The following VPS13C variants were observed in gnomAD, a reference collection of about 807,000 sequenced individuals.
VPS13C encodes the protein intermembrane lipid transfer protein VPS13C.
In VPS13C, 358 loss-of-function variants were observed where a neutral mutation model predicts 456.8. The observed-to-expected ratio is 0.78, with a 90% CI of 0.72 to 0.86. The LOEUF is 0.86. Among genes scored for constraint, VPS13C ranks in the 40% least tolerant of loss-of-function variants. The pLI, the probability that VPS13C is intolerant of heterozygous loss-of-function variation, is 0.00. For missense variants in VPS13C, 4,818 were observed against 4,385.4 expected (o/e 1.10, Z -2.79); for synonymous variants, 1,578 against 1,486.7 (o/e 1.06, Z -1.41).
In VPS13C at chr15:62,044,268, A is replaced by G. The variant is rs1596527573; in HGVS notation, c.101-13T>C. 7.0e-7 allele frequency: 1 copy of G among 1,429,974 alleles called. No homozygotes were observed. The highest frequency in any genetic ancestry group is 9.6e-7 in the Non-Finnish European group (1 of 1,037,534). The allele number at this position is 1,429,974 out of a possible 1,614,324, so 88.6% of individuals were successfully genotyped here. On this transcript the variant is annotated splice_polypyrimidine_tract_variant and intron_variant, in intron 1 of 84. Coordinates refer to ENST00000644861, the MANE Select transcript of VPS13C (RefSeq NM_020821.3). ...AAAGCCACATTTCCTTTAAAAAAAG[A>G]AAACAAAGAAAAATATTACTATAAC...
chr15:61,919,568 C>T lies in VPS13C; in HGVS notation c.7478-119G>A, dbSNP rs2043583255. 4.7e-6 allele frequency: 5 copies of T among 1,056,096 alleles called. No homozygotes were observed. In the South Asian group the frequency reaches 1.4e-4, roughly 30 times the overall value. 65.4% of individuals were successfully genotyped at this position (1,056,096 alleles called of 1,614,324 possible). ...TTTTCCTCATCACTAGAAATGATCA[C>T]CACAAATTGCTTTTCTAAGACATAA... On this transcript the variant is annotated intron_variant, in intron 57 of 84. Coordinates refer to ENST00000644861, the MANE Select transcript of VPS13C (RefSeq NM_020821.3).
rs746442464 is a variant in VPS13C at position 61,974,400 on chromosome 15, C to T, written c.2426G>A (p.Gly809Glu). 1.9e-6 allele frequency: 3 copies of T among 1,612,084 alleles called. No individual in the cohort carries two copies. Among genetic ancestry groups the T allele is most frequent in the Non-Finnish European group, 2.5e-6 (3 of 1,178,748 alleles). The change falls in exon 25 of 85, where the codon GGA (glycine) becomes GAA (glutamate). Residue 809 changes from glycine to glutamate, a missense_variant. By Grantham distance (98) the Gly-to-Glu change is moderately conservative. Around this residue, in one of 3 missense-constraint regions of VPS13C, gnomAD observed 4,552 missense variants for 4,130.6 expected, o/e 1.10. Coordinates refer to ENST00000644861, the MANE Select transcript of VPS13C (RefSeq NM_020821.3). ...AATTCTCACATGCATCAAAGGAAGT[C>T]CTCCTGACACTTTAAATCTAAAAAT... ...IRMARFKVSG[G>E]LPLMHVRISD...
At position 61,961,723 on chromosome 15, in the gene VPS13C, G is replaced by A; in HGVS notation, c.3774C>T (p.Ser1258=). The stretch of plus-strand genomic sequence containing the variant: ...CAAGATCTACCACTACTGCATTGGT[G>A]GAAATAGAAGACTGTGGGATGACTA... The part of the protein sequence containing the change: ...PVIVIPQSSI[S]TNAVVVDLGL... Residue 1258 remains serine, a synonymous_variant, in exon 35 of 85, where the codon TCC becomes TCT. Coordinates refer to ENST00000644861, the MANE Select transcript of VPS13C (RefSeq NM_020821.3). The A allele has an allele frequency of 6.2e-7, 1 of 1,613,976 alleles. No homozygotes were observed.
intron 66 of VPS13C, among the ~76,000 whole-genome samples, chr15:61,902,317 C>G (rs1370963593): frequency 1.4e-5 from 2 of 137,972 alleles, no homozygotes; most frequent in African/African-American, 5.3e-5. Flanking sequence ...AAAAAATGAA[C>G]TAATAACCAT....
intron 35 of VPS13C, 118 bp from the exon 36 acceptor site, chr15:61,959,713 G>T: frequency 2.1e-6 from 2 of 974,294 alleles, no homozygotes; most frequent in Non-Finnish European, 2.9e-6. Context: ...AAACAGTGTG[G>T]CTTGAGTATT....
chr15:62,023,456 AT>A lies in VPS13C; in HGVS notation c.578del (p.Asn193MetfsTer4). 3 of 1,580,534 alleles carry A rather than the reference AT, an allele frequency of 1.9e-6. No individual in the cohort carries two copies. The highest frequency in any genetic ancestry group is 2.3e-5 in the East Asian group (1 of 43,764). ...VEKLATQVIK[N>X]VQVKITDIHI... ...GAATATCTGTGATTTTTACTTGTAC[AT>A]TTTTTATTACTTGAGTTGCCAATTT... On this transcript the variant is annotated frameshift_variant, in exon 8 of 85. Transcript: ENST00000644861. LOFTEE classifies it high-confidence loss of function.
At chr15:61,946,594 T>C (rs1685878458) in intron 43 of VPS13C, among the ~76,000 whole-genome samples, 184 bp from the exon 44 acceptor site, 1 of 150,772 alleles carries the variant, frequency 6.6e-6, no homozygotes, top group African/African-American at 2.4e-5. Flanking sequence ...CTTTAAATAA[T>C]AACTTTAAGG....
chr15:61,958,561 A>C, intron 37 of VPS13C, 47 bp downstream of exon 37: 1 of 1,055,614 alleles, frequency 9.5e-7, no homozygotes, highest in Non-Finnish European at 1.4e-6. Context: ...CTAAACCATA[A>C]ATAAATAGAC....
At chr15:61,868,454 C>T (rs918432406) in intron 81 of VPS13C, among the ~76,000 whole-genome samples, 2 of 151,694 alleles carry the variant, frequency 1.3e-5, no homozygotes, top group East Asian at 3.8e-4. Context: ...CAAAAAAAAG[C>T]TTTGCTCCCA....
intron 6 of VPS13C, among the ~76,000 whole-genome samples, 175 bp downstream of exon 6, chr15:62,028,183 A>C (rs1325444009): frequency 1.3e-5 from 2 of 152,090 alleles, no homozygotes; most frequent in African/African-American, 4.8e-5. Flanking sequence ...ATATTTAGTA[A>C]ATGAATAAAC....
chr15:61,958,957 C>T (rs909175720), intron 36 of VPS13C, among the ~76,000 whole-genome samples: 2 of 151,898 alleles, frequency 1.3e-5, no homozygotes, highest in Non-Finnish European at 2.9e-5. Flanking sequence ...GTATTGGCTC[C>T]AATGACTTGA....
chr15:62,043,524 T>G (rs2048306926), intron 2 of VPS13C, among the ~76,000 whole-genome samples: 1 of 152,312 alleles, frequency 6.6e-6, no homozygotes, highest in Admixed American at 6.5e-5. Context: ...AAGAATTGCT[T>G]GAACCTGGGA....
intron 1 of VPS13C, among the ~76,000 whole-genome samples, chr15:62,049,147 C>T (rs2048532633): frequency 6.6e-6 from 1 of 152,106 alleles, no homozygotes; most frequent in Admixed American, 6.5e-5. Flanking sequence ...GTTGCCATTG[C>T]TTTTGGTGTT....
intron 42 of VPS13C, among the ~76,000 whole-genome samples, chr15:61,948,409 T>A (rs1451710630): frequency 6.6e-6 from 1 of 151,978 alleles, no homozygotes; most frequent in African/African-American, 2.4e-5. Context: ...CGGCCGGGCG[T>A]GGTGGCTCAT....
At chr15:62,028,577 G>A (rs1483629216) in intron 5 of VPS13C, among the ~76,000 whole-genome samples, 157 bp from the exon 6 acceptor site, 1 of 151,988 alleles carries the variant, frequency 6.6e-6, no homozygotes, top group Non-Finnish European at 1.5e-5. Flanking sequence ...TTATTTCTGA[G>A]GAAATATTCA....
chr15:61,922,021 T>C lies in VPS13C; in HGVS notation c.6988A>G (p.Asn2330Asp). ...ADVTLQVHYY[N>D]EIHAVWEPLI... ...GGCTCCCAGACAGCATGGATCTCAT[T>C]GTAATAGTGCACCTGGAAAGATACA... Residue 2330 changes from asparagine (N) to aspartate (D), a missense_variant, in exon 55 of 85, where the codon AAT (asparagine) becomes GAT (aspartate). Coordinates refer to ENST00000644861, the MANE Select transcript of VPS13C (RefSeq NM_020821.3). 1 of 1,613,584 alleles carries C rather than the reference T, an allele frequency of 6.2e-7. No individual in the cohort carries two copies. The highest frequency in any genetic ancestry group is 8.5e-7 in the Non-Finnish European group (1 of 1,179,626).
intron 61 of VPS13C, 44 bp from the exon 62 acceptor site, chr15:61,913,459 C>G: frequency 1.3e-6 from 2 of 1,512,134 alleles, no homozygotes; most frequent in Non-Finnish European, 1.8e-6. Flanking sequence ...ATCTAAAACA[C>G]TATAATAATT....
At chr15:61,932,466 A>T (rs376937437) in intron 49 of VPS13C, among the ~76,000 whole-genome samples, 3 of 151,932 alleles carry the variant, frequency 2.0e-5, no homozygotes, top group African/African-American at 7.2e-5. Flanking sequence ...AGAAAAATGG[A>T]CCTCGATCTT....
chr15:61,923,696 G>A (rs2043736549), intron 53 of VPS13C, among the ~76,000 whole-genome samples: 1 of 148,474 alleles, frequency 6.7e-6, no homozygotes, highest in Non-Finnish European at 1.5e-5. Context: ...AAATGTAAAG[G>A]GATATAATTA....
Sources: gnomAD v4.1 joint callset for allele counts (sites outside exome capture counted in the v4.1 genomes callset) on GRCh38, gnomAD v4.1.1 for gene constraint, gnomAD v4.1.1 regional missense constraint, MANE v1.5 for transcripts, NCBI Gene and HGNC (gene_info 2026-07-23, HGNC 2026-07-21) for gene names.